The following NRXN3 variants were observed in gnomAD, a reference collection of about 807,000 sequenced individuals.
The protein encoded by NRXN3 is neurexin III.
NRXN3 carries 32 observed loss-of-function variants against 137.6 expected under a neutral mutation model. The observed-to-expected ratio is 0.23, with a 90% CI of 0.18 to 0.31. The LOEUF is 0.31. NRXN3 is among the 10% of genes least tolerant of loss of function. The probability of loss-of-function intolerance (pLI) is 1.00; values close to 1 mark genes in which losing one functional copy is unlikely to be tolerated. For synonymous variants in NRXN3, 798 were observed against 784.5 expected (o/e 1.02, Z -0.29); for missense variants, 1,574 against 2,062.5 (o/e 0.76, Z 4.59).
intron 15 of NRXN3, among the ~76,000 whole-genome samples, chr14:79,188,857 G>C (rs201779983): frequency 8.5e-5 from 13 of 152,140 alleles, no homozygotes; most frequent in South Asian, 4.1e-4. Flanking sequence ...ACACCAGTTA[G>C]AATGGCAATC....
chr14:79,160,218 G>A (rs1326954299), intron 15 of NRXN3, among the ~76,000 whole-genome samples: 1 of 151,878 alleles, frequency 6.6e-6, no homozygotes, highest in African/African-American at 2.4e-5. Context: ...AACATAAATA[G>A]TTGAAAAGAA....
intron 15 of NRXN3, among the ~76,000 whole-genome samples, chr14:79,192,670 T>C (rs2064532016): frequency 6.6e-6 from 1 of 152,144 alleles, no homozygotes; most frequent in Non-Finnish European, 1.5e-5. Flanking sequence ...ACTAATTTTG[T>C]TAAACCCCTA....
intron 20 of NRXN3, among the ~76,000 whole-genome samples, chr14:79,855,616 T>C (rs1239853086): frequency 6.6e-6 from 1 of 152,122 alleles, no homozygotes; most frequent in East Asian, 1.9e-4. Flanking sequence ...TCTTATATTC[T>C]ATTATTTAAA....
At chr14:79,000,788 A>T (rs2099539843) in intron 15 of NRXN3, among the ~76,000 whole-genome samples, 1 of 152,200 alleles carries the variant, frequency 6.6e-6, no homozygotes, top group Non-Finnish European at 1.5e-5. Context: ...CCAACTCATG[A>T]AAATTCCTGA....
intron 16 of NRXN3, among the ~76,000 whole-genome samples, chr14:79,558,440 A>G (rs905276069): frequency 1.3e-5 from 2 of 152,118 alleles, no homozygotes; most frequent in East Asian, 1.9e-4. Context: ...AATGGATGCT[A>G]TGTTATCAGA....
At chr14:79,381,966 T>C (rs1311998055) in intron 15 of NRXN3, among the ~76,000 whole-genome samples, 1 of 152,208 alleles carries the variant, frequency 6.6e-6, no homozygotes, top group East Asian at 1.9e-4. Context: ...CTCCTTGTAC[T>C]CTGAAGTAGC....
intron 1 of NRXN3, among the ~76,000 whole-genome samples, chr14:78,206,173 G>T (rs1206432559): frequency 6.6e-6 from 1 of 152,162 alleles, no homozygotes; most frequent in African/African-American, 2.4e-5. Flanking sequence ...CCCAGTAGAG[G>T]CTCACTTTTT....
At chr14:79,019,080 T>A (rs776721482) in intron 15 of NRXN3, among the ~76,000 whole-genome samples, 3 of 152,124 alleles carry the variant, frequency 2.0e-5, no homozygotes, top group Non-Finnish European at 4.4e-5. Flanking sequence ...TTCCCATTCA[T>A]TCAGTACAGA....
rs748987195 is a variant in NRXN3, at chr14:78,714,782, A to G, written c.1687A>G (p.Thr563Ala). 1 of 1,614,076 alleles carries G rather than the reference A, an allele frequency of 6.2e-7. No homozygotes were observed. The highest frequency in any genetic ancestry group is 8.5e-7 in the Non-Finnish European group (1 of 1,179,964). Residue 563 changes from threonine (T) to alanine (A), a missense_variant, in exon 8 of 21, where the codon ACG becomes GCG. Physicochemically the swap from Thr to Ala is moderately conservative, Grantham distance 58. Transcript: ENST00000335750. ...SGTISVNSRR[T>A]PFTASGESEI... ...TACTATATCAGTGAACAGCAGGCGC[A>G]CGCCATTCACCGCCAGTGGGGAGAG... is the stretch of plus-strand genomic sequence containing the variant.
chr14:79,226,619 T>G (rs1213926520), intron 15 of NRXN3, among the ~76,000 whole-genome samples: 1 of 152,134 alleles, frequency 6.6e-6, no homozygotes, highest in Non-Finnish European at 1.5e-5. Context: ...ACCTTCTATT[T>G]TCATGCCCCT....
rs544118987 is a variant in NRXN3, at chr14:78,545,355, T to C, written c.758-99765T>C. On this transcript the variant is annotated intron_variant, in intron 4 of 20. Coordinates refer to ENST00000335750, the MANE Select transcript of NRXN3 (RefSeq NM_001330195.2). The stretch of plus-strand genomic sequence containing the variant: ...AAACAACTTTACATAAATGTGTACA[T>C]ATGATTTCAGTACATTTTCCTAAGT... Among the ~76,000 whole-genome samples the C allele has an allele frequency of 3.9e-5, 6 of 152,352 alleles. No individual in the cohort carries two copies. In the South Asian group the frequency reaches 1.2e-3, roughly 32 times the overall value.
chr14:78,729,006 T>C (rs1470095205), intron 8 of NRXN3, among the ~76,000 whole-genome samples: 1 of 152,230 alleles, frequency 6.6e-6, no homozygotes, highest in Non-Finnish European at 1.5e-5. Context: ...AGCCTCAGTT[T>C]TCTGATCCAT....
intron 6 of NRXN3, among the ~76,000 whole-genome samples, chr14:78,698,628 G>A (rs2098250468): frequency 1.3e-5 from 2 of 151,952 alleles, no homozygotes; most frequent in Admixed American, 1.3e-4. Context: ...TGTTGGCACC[G>A]AACTTTGTCA....
chr14:78,780,028 A>G (rs2098763211), intron 8 of NRXN3, among the ~76,000 whole-genome samples: 2 of 152,170 alleles, frequency 1.3e-5, no homozygotes, highest in Non-Finnish European at 2.9e-5. Context: ...GAAAAACCCA[A>G]GAGAAAAGAC....
chr14:78,836,955 G>T (rs566601974), intron 10 of NRXN3, among the ~76,000 whole-genome samples: 1 of 152,130 alleles, frequency 6.6e-6, no homozygotes, highest in African/African-American at 2.4e-5. Flanking sequence ...GCCACAAGGA[G>T]TATCAGTTGC....
At chr14:78,418,420 G>C (rs940136656) in intron 4 of NRXN3, among the ~76,000 whole-genome samples, 4 of 152,142 alleles carry the variant, frequency 2.6e-5, no homozygotes, top group African/African-American at 9.7e-5. Context: ...AAATTCCAGA[G>C]GTGGTAGGAG....
rs920077797 is a variant in NRXN3, at chr14:78,640,579, G to A, written c.758-4541G>A. On this transcript the variant is annotated intron_variant, in intron 4 of 20. Coordinates refer to ENST00000335750, the MANE Select transcript of NRXN3 (RefSeq NM_001330195.2). The stretch of plus-strand genomic sequence containing the variant: ...GATTATTATATAAATTATAAGTTGG[G>A]TGTCTTTTAGGGGGAAAGAAGTGAA... 3.9e-5 allele frequency among the ~76,000 whole-genome samples: 6 copies of A among 152,144 alleles called. No individual in the cohort carries two copies. The East Asian group carries it at 1.2e-3, about 29-fold the overall frequency.
At chr14:78,977,550 A>C (rs2099472235) in intron 14 of NRXN3, among the ~76,000 whole-genome samples, 1 of 152,082 alleles carries the variant, frequency 6.6e-6, no homozygotes. Flanking sequence ...GAAAAGAGTT[A>C]TTTGACCTTT....
At chr14:79,083,628 GTT>G (rs2047499253) in intron 15 of NRXN3, among the ~76,000 whole-genome samples, 1 of 152,174 alleles carries the variant, frequency 6.6e-6, no homozygotes, top group South Asian at 2.1e-4. Context: ...TCGTTGTCAT[GTT>G]TTCCTATGTA....
Sources: gnomAD v4.1 joint callset for allele counts (sites outside exome capture counted in the v4.1 genomes callset) on GRCh38, gnomAD v4.1.1 for gene constraint, MANE v1.5 for transcripts, NCBI Gene and HGNC (gene_info 2026-07-23, HGNC 2026-07-21) for gene names.